The following ARHGEF38 variants were observed in gnomAD, a reference collection of about 807,000 sequenced individuals.
ARHGEF38 encodes the protein Rho guanine nucleotide exchange factor (GEF) 38.
Under a neutral mutation model 79.9 loss-of-function variants are expected in ARHGEF38, and 79 were observed. That is an observed-to-expected ratio of 0.99 (90% confidence interval 0.82 to 1.19). The LOEUF is 1.19. ARHGEF38 is among the 50% of genes most tolerant of loss of function. The pLI is 0.00. For synonymous variants in ARHGEF38, 366 were observed against 328.3 expected, an observed-to-expected ratio of 1.11 and a Z score of -1.24; for missense variants, 962 against 907.2, an observed-to-expected ratio of 1.06 and a Z score of -0.78.
At chr4:105,581,429 C>A (rs1307110187) in intron 1 of ARHGEF38, among the ~76,000 whole-genome samples, 5 of 152,112 alleles carry the variant, frequency 3.3e-5, no homozygotes, top group Non-Finnish European at 7.4e-5. Context: ...ATTAGTTGAA[C>A]CTTCTTATTC....
At chr4:105,666,126 A>G in intron 10 of ARHGEF38, 51 bp from the exon 11 acceptor site, 1 of 1,439,932 alleles carries the variant, frequency 6.9e-7, no homozygotes, top group Non-Finnish European at 9.2e-7. Context: ...TTAACACCTG[A>G]TATGATTATC....
At chr4:105,611,333 C>T (rs1728284753) in intron 2 of ARHGEF38, among the ~76,000 whole-genome samples, 1 of 151,992 alleles carries the variant, frequency 6.6e-6, no homozygotes, top group African/African-American at 2.4e-5. Flanking sequence ...TAAATTTGAA[C>T]TAAACCAATT....
At chr4:105,566,688 G>A (rs886781060) in intron 1 of ARHGEF38, among the ~76,000 whole-genome samples, 6 of 150,140 alleles carry the variant, frequency 4.0e-5, no homozygotes, top group African/African-American at 9.8e-5. Context: ...TTTTGTACCC[G>A]TTAATCATCC....
chr4:105,614,231 T>C (rs1335556378), intron 3 of ARHGEF38, among the ~76,000 whole-genome samples: 1 of 151,966 alleles, frequency 6.6e-6, no homozygotes, highest in African/African-American at 2.4e-5. Context: ...AGGCTAAGAG[T>C]TTTTTAAAAT....
At chr4:105,558,591 C>G (rs1725363256) in intron 1 of ARHGEF38, among the ~76,000 whole-genome samples, 1 of 152,108 alleles carries the variant, frequency 6.6e-6, no homozygotes, top group Non-Finnish European at 1.5e-5. Context: ...TATATAGAAA[C>G]CAGTGTAAAA....
intron 1 of ARHGEF38, among the ~76,000 whole-genome samples, chr4:105,561,272 C>G (rs1725510585): frequency 6.6e-6 from 1 of 151,790 alleles, no homozygotes; most frequent in East Asian, 1.9e-4. Flanking sequence ...GTTGGTGGTG[C>G]ATGCCTGTAA....
At chr4:105,564,964 CTT>C (rs1165286996) in intron 1 of ARHGEF38, among the ~76,000 whole-genome samples, 1 of 152,192 alleles carries the variant, frequency 6.6e-6, no homozygotes, top group East Asian at 1.9e-4. Flanking sequence ...CTGCTAAAGA[CTT>C]TAAATAAAAA....
At chr4:105,662,382 TC>T (rs1730594540) in intron 10 of ARHGEF38, among the ~76,000 whole-genome samples, 1 of 152,200 alleles carries the variant, frequency 6.6e-6, no homozygotes, top group African/African-American at 2.4e-5. Context: ...TGATTTTTTT[TC>T]ATGCTAATGT....
At chr4:105,556,886 G>A (rs1725275428) in intron 1 of ARHGEF38, among the ~76,000 whole-genome samples, 1 of 152,134 alleles carries the variant, frequency 6.6e-6, no homozygotes, top group Non-Finnish European at 1.5e-5. Context: ...GAACATCAGA[G>A]ATTAAAATGT....
rs139231621 is a variant in ARHGEF38 at position 105,578,719 on chromosome 4, C to T, written c.197-10529C>T. ...TAAGGTCTGTGTGATCTAAGAATAA[C>T]CATTCCTGTTCGCTTTGGTTTCCAT... is the stretch of plus-strand genomic sequence containing the variant. On this transcript the variant is annotated intron_variant, in intron 1 of 13. Transcript: ENST00000420470. 2.9e-3 allele frequency among the ~76,000 whole-genome samples: 434 copies of T among 152,214 alleles called. 2 individuals are homozygous for T. Among genetic ancestry groups the T allele is most frequent in the African/African-American group, 9.8e-3 (406 of 41,552 alleles).
intron 6 of ARHGEF38, among the ~76,000 whole-genome samples, chr4:105,647,980 C>T (rs1304655828): frequency 6.6e-6 from 1 of 150,556 alleles, no homozygotes; most frequent in Non-Finnish European, 1.5e-5. Flanking sequence ...ACCTCTGCCT[C>T]CTGGGTTCAA....
chr4:105,576,653 TCCC>T (rs1049003748), intron 1 of ARHGEF38, among the ~76,000 whole-genome samples: 1 of 152,118 alleles, frequency 6.6e-6, no homozygotes. Context: ...CCAAAGTGGA[TCCC>T]CTTATTTTCT....
chr4:105,631,279 C>T (rs745751515), intron 4 of ARHGEF38: 96 of 1,155,508 alleles, frequency 8.3e-5, no homozygotes, highest in Non-Finnish European at 1.0e-4. Flanking sequence ...AGCTCTGCAG[C>T]GATTGAAAAA....
At position 105,612,921 on chromosome 4, in the gene ARHGEF38, A is replaced by C. The variant is rs537228075; in HGVS notation, c.385-463A>C. Among the ~76,000 whole-genome samples the C allele has an allele frequency of 9.2e-5, 14 of 152,264 alleles. No homozygotes were observed. The South Asian group carries it at 2.9e-3, about 32-fold the overall frequency. ...TCCATTTACATTTATATCAAGAAAAAAAAAGGAAAAAGCAACCCAGCACAT... is the reference window on the plus strand; with the variant it reads ...TCCATTTACATTTATATCAAGAAAACAAAAGGAAAAAGCAACCCAGCACAT... On this transcript the variant is annotated intron_variant, in intron 2 of 13. Transcript: ENST00000420470.
intron 2 of ARHGEF38, among the ~76,000 whole-genome samples, chr4:105,591,977 G>A (rs958452719): frequency 6.6e-6 from 1 of 152,014 alleles, no homozygotes; most frequent in African/African-American, 2.4e-5. Context: ...CTGCTATTCT[G>A]GCAGATATCA....
intron 13 of ARHGEF38, among the ~76,000 whole-genome samples, chr4:105,669,861 CT>C (rs1305852825): frequency 1.7e-4 from 26 of 152,272 alleles, no homozygotes; most frequent in African/African-American, 6.0e-4. Context: ...TTTGCCTTTT[CT>C]GTATCTTTTG....
At chr4:105,567,772 T>A (rs1298378154) in intron 1 of ARHGEF38, among the ~76,000 whole-genome samples, 1 of 152,178 alleles carries the variant, frequency 6.6e-6, no homozygotes. Flanking sequence ...AAATTAGATA[T>A]AAGGTTTTTT....
intron 1 of ARHGEF38, among the ~76,000 whole-genome samples, chr4:105,566,285 T>C (rs909731125): frequency 5.3e-5 from 8 of 152,220 alleles, no homozygotes; most frequent in African/African-American, 1.9e-4. Context: ...TGCATTTCTC[T>C]TCACCTTGTG....
intron 3 of ARHGEF38, among the ~76,000 whole-genome samples, chr4:105,628,075 T>G (rs985669229): frequency 6.6e-6 from 1 of 152,194 alleles, no homozygotes; most frequent in African/African-American, 2.4e-5. Context: ...CTATAAATTC[T>G]TTCAAACTAC....
Sources: allele counts gnomAD v4.1 joint callset (sites outside exome capture counted in the v4.1 genomes callset), GRCh38; gene constraint gnomAD v4.1.1; transcripts MANE v1.5; gene names NCBI Gene and HGNC (gene_info 2026-07-23, HGNC 2026-07-21).